DNM3: variants seen among roughly 807,000 people sequenced by gnomAD.
The protein encoded by DNM3 is dynamin 3, also known as dynamin-3.
A neutral mutation model predicts 101.6 loss-of-function variants in DNM3; 47 were observed. The observed-to-expected ratio is 0.46, with a 90% CI of 0.37 to 0.59. DNM3 has a LOEUF of 0.59. DNM3 is among the 20% of genes least tolerant of loss of function. The pLI, the probability that DNM3 is intolerant of heterozygous loss-of-function variation, is 0.00. For missense variants in DNM3, 849 were observed against 1,085.7 expected, an observed-to-expected ratio of 0.78 and a Z score of 3.06; for synonymous variants, 385 against 387.9, an observed-to-expected ratio of 0.99 and a Z score of 0.09.
chr1:171,903,191 G>T (rs931302690), intron 1 of DNM3, among the ~76,000 whole-genome samples: 13 of 151,670 alleles, frequency 8.6e-5, no homozygotes, highest in African/African-American at 3.1e-4. Context: ...AAAATAAAGG[G>T]TTTAATTAGG....
intron 2 of DNM3, among the ~76,000 whole-genome samples, chr1:171,976,563 CAT>C (rs543557649): frequency 3.0e-4 from 45 of 152,296 alleles, no homozygotes; most frequent in Non-Finnish European, 4.4e-4. Context: ...CCTCCCATGA[CAT>C]GTGGGAATTA....
intron 10 of DNM3, among the ~76,000 whole-genome samples, chr1:172,060,931 T>C (rs1312904009): frequency 2.7e-4 from 27 of 98,478 alleles, no homozygotes; most frequent in East Asian, 5.3e-4. Flanking sequence ...TGGGAGAAAA[T>C]TTTCGCAACC....
intron 4 of DNM3, among the ~76,000 whole-genome samples, chr1:172,020,557 A>G (rs1392691191): frequency 6.6e-6 from 1 of 151,780 alleles, no homozygotes. Context: ...CATCTCTACT[A>G]AAAATACAAA....
intron 4 of DNM3, among the ~76,000 whole-genome samples, chr1:172,016,380 T>C (rs538276590): frequency 2.0e-5 from 3 of 146,618 alleles, no homozygotes; most frequent in African/African-American, 7.3e-5. Context: ...AATAGGATCA[T>C]GTGATTTTTT....
chr1:171,910,997 A>G (rs115585450), intron 1 of DNM3, among the ~76,000 whole-genome samples: 4 of 152,318 alleles, frequency 2.6e-5, no homozygotes, highest in Non-Finnish European at 4.4e-5. Context: ...TAAGGAGTCA[A>G]CACTGAAGTG....
chr1:172,279,469 G>A (rs919860710), intron 15 of DNM3, among the ~76,000 whole-genome samples: 2 of 152,026 alleles, frequency 1.3e-5, no homozygotes, highest in South Asian at 2.1e-4. Flanking sequence ...CCTTAGTCAC[G>A]AATTTTATCG....
chr1:172,057,560 A>G (rs2050748488), intron 10 of DNM3, among the ~76,000 whole-genome samples: 1 of 152,218 alleles, frequency 6.6e-6, no homozygotes, highest in Admixed American at 6.5e-5. Context: ...GAAGAAAATA[A>G]TTTTCAACCC....
At chr1:172,337,178 G>A (rs2066470884) in intron 17 of DNM3, among the ~76,000 whole-genome samples, 1 of 152,080 alleles carries the variant, frequency 6.6e-6, no homozygotes, top group African/African-American at 2.4e-5. Context: ...ATTTAATAAG[G>A]CCCTGATAGG....
intron 14 of DNM3, among the ~76,000 whole-genome samples, chr1:172,169,280 G>A (rs1172343175): frequency 6.6e-6 from 1 of 151,784 alleles, no homozygotes; most frequent in African/African-American, 2.4e-5. Flanking sequence ...GAGCTTGAAT[G>A]GGTCAAATAC....
At chr1:172,303,930 AAAT>A (rs2064615988) in intron 15 of DNM3, among the ~76,000 whole-genome samples, 1 of 152,128 alleles carries the variant, frequency 6.6e-6, no homozygotes, top group Non-Finnish European at 1.5e-5. Context: ...AAAACATGCC[AAAT>A]TGTAAAGACC....
At chr1:172,257,789 T>C (rs1162687764) in intron 15 of DNM3, among the ~76,000 whole-genome samples, 1 of 151,954 alleles carries the variant, frequency 6.6e-6, no homozygotes, top group Non-Finnish European at 1.5e-5. Context: ...TACTCTAGTA[T>C]TGAACATTAG....
At chr1:172,124,981 C>G (rs760605250) in intron 13 of DNM3, among the ~76,000 whole-genome samples, 1 of 152,182 alleles carries the variant, frequency 6.6e-6, no homozygotes, top group Non-Finnish European at 1.5e-5. Context: ...CCTGAGGATG[C>G]CTGTGCTCGC....
intron 13 of DNM3, among the ~76,000 whole-genome samples, chr1:172,126,482 T>A (rs2056624764): frequency 1.3e-5 from 2 of 152,240 alleles, no homozygotes; most frequent in African/African-American, 4.8e-5. Flanking sequence ...GTAAAATTTT[T>A]AAATTTTTAA....
chr1:172,178,593 C>G (rs1386380356), intron 14 of DNM3, among the ~76,000 whole-genome samples: 1 of 151,184 alleles, frequency 6.6e-6, no homozygotes, highest in Non-Finnish European at 1.5e-5. Context: ...TAGTGCATGC[C>G]GTGATGATGA....
At chr1:171,858,163 A>G (rs564228968) in intron 1 of DNM3, among the ~76,000 whole-genome samples, 4 of 152,280 alleles carry the variant, frequency 2.6e-5, no homozygotes, top group Admixed American at 6.5e-5. Context: ...TTTGCTAATT[A>G]AATTGTTGAT....
chr1:172,407,958 C>A lies in DNM3; in HGVS notation c.*117C>A. The A allele has an allele frequency of 6.4e-7, 1 of 1,574,712 alleles. No individual in the cohort carries two copies. The highest frequency in any genetic ancestry group is 2.3e-5 in the East Asian group (1 of 43,918). On this transcript the variant is annotated 3_prime_UTR_variant, in exon 21 of 21. Coordinates refer to ENST00000627582, the MANE Select transcript of DNM3 (RefSeq NM_015569.5). ...GTGTGGACATCAGTAGGCAAGTAAC[C>A]AGTTTTACTAATGCATTCATCGCTC...
intron 1 of DNM3, among the ~76,000 whole-genome samples, chr1:171,913,979 G>C (rs1376310753): frequency 6.6e-6 from 1 of 151,678 alleles, no homozygotes; most frequent in Non-Finnish European, 1.5e-5. Context: ...TGTAGAGAAG[G>C]GAGTCTTGTC....
chr1:172,022,139 C>G (rs899724177), intron 4 of DNM3, among the ~76,000 whole-genome samples: 2 of 152,102 alleles, frequency 1.3e-5, no homozygotes, highest in African/African-American at 4.8e-5. Context: ...GCCACACAGT[C>G]TGTGACTCTT....
chr1:172,316,240 A>G (rs2065347208), intron 16 of DNM3, among the ~76,000 whole-genome samples: 1 of 152,172 alleles, frequency 6.6e-6, no homozygotes, highest in African/African-American at 2.4e-5. Context: ...TGAAGGAAGC[A>G]CTAAACATGG....
Sources: gnomAD v4.1 joint callset for allele counts (sites outside exome capture counted in the v4.1 genomes callset) on GRCh38, gnomAD v4.1.1 for gene constraint, MANE v1.5 for transcripts, NCBI Gene and HGNC (gene_info 2026-07-23, HGNC 2026-07-21) for gene names.